The following JAKMIP1 variants were observed in gnomAD, a reference collection of about 807,000 sequenced individuals.
JAKMIP1 encodes the protein janus kinase and microtubule-interacting protein 1.
A neutral mutation model predicts 113.0 loss-of-function variants in JAKMIP1; 33 were observed. The observed-to-expected ratio is 0.29, with a 90% confidence interval of 0.22 to 0.39. The LOEUF (loss-of-function observed/expected upper bound fraction) is 0.39. JAKMIP1 is among the 10% of genes least tolerant of loss of function. The pLI, the probability that JAKMIP1 is intolerant of heterozygous loss-of-function variation, is 1.00. For synonymous variants in JAKMIP1, 480 were observed against 459.9 expected, an observed-to-expected ratio of 1.04 and a Z score of -0.56; for missense variants, 813 against 1,080.5, an observed-to-expected ratio of 0.75 and a Z score of 3.47.
chr4:6,060,720 T>C (rs1214944904), intron 10 of JAKMIP1, among the ~76,000 whole-genome samples: 1 of 152,230 alleles, frequency 6.6e-6, no homozygotes, highest in African/African-American at 2.4e-5. Context: ...ACAGCCTTGT[T>C]TGGTTTTACA....
chr4:6,128,067 CTG>C (rs1717978218), intron 1 of JAKMIP1, among the ~76,000 whole-genome samples: 2 of 152,200 alleles, frequency 1.3e-5, no homozygotes, highest in South Asian at 4.1e-4. Context: ...CCTGTAAAGG[CTG>C]TGATGCCAGG....
Position 6,143,124 on chromosome 4 carries a change from C to T in JAKMIP1, c.-147-30127G>A, listed in dbSNP as rs1230766080. 2.0e-5 allele frequency among the ~76,000 whole-genome samples: 3 copies of T among 152,220 alleles called. No homozygotes were observed. Among genetic ancestry groups the T allele is most frequent in the Admixed American group, 6.5e-5 (1 of 15,280 alleles). The stretch of plus-strand genomic sequence containing the variant: ...GCCTCTCTGAGCCTCTGCCACCCAC[C>T]TATTAAGCAGAAAGCAGCACAGCTC... On this transcript the variant is annotated intron_variant, in intron 1 of 20. Transcript: ENST00000409021. This position sits in a 1 kb window ranked among gnomAD's most constrained non-coding sequence, Gnocchi z 4.9.
rs544238086 is a variant in JAKMIP1 at position 6,154,143 on chromosome 4, C to T, written c.-147-41146G>A. Among the ~76,000 whole-genome samples, 20 of 152,340 alleles carry T rather than the reference C, an allele frequency of 1.3e-4. No individual in the cohort carries two copies. Among genetic ancestry groups the T allele is most frequent in the African/African-American group, 4.1e-4 (17 of 41,572 alleles). On this transcript the variant is annotated intron_variant, in intron 1 of 20. Coordinates refer to ENST00000409021, the MANE Select transcript of JAKMIP1 (RefSeq NM_001099433.2). This position sits in a 1 kb window ranked among gnomAD's most constrained non-coding sequence, Gnocchi z 4.2. ...TTGTGTCCTGCAGAGCTGATAAACC[C>T]TGCACTCAGGGAGACACTGACCCTC...
intron 2 of JAKMIP1, among the ~76,000 whole-genome samples, chr4:6,109,124 C>CTTTTTTTTTTT (rs71173408): frequency 3.1e-5 from 3 of 96,860 alleles, no homozygotes; most frequent in Non-Finnish European, 4.2e-5. Flanking sequence ...CCTGGGGCAC[C>CTTTTTTTTTTT]TTTTTTTTTT....
intron 2 of JAKMIP1, among the ~76,000 whole-genome samples, chr4:6,110,157 G>T (rs1174219260): frequency 6.6e-6 from 1 of 152,160 alleles, no homozygotes; most frequent in Non-Finnish European, 1.5e-5. Context: ...TAACCCCCAT[G>T]ACCTCAGGAT....
intron 2 of JAKMIP1, among the ~76,000 whole-genome samples, chr4:6,112,423 C>G (rs1210556072): frequency 6.6e-6 from 1 of 152,228 alleles, no homozygotes; most frequent in Admixed American, 6.5e-5. Context: ...CTCAGTTAAT[C>G]TCTGCTAAAC....
chr4:6,087,786 C>T (rs145449184), intron 3 of JAKMIP1, among the ~76,000 whole-genome samples: 1 of 152,328 alleles, frequency 6.6e-6, no homozygotes, highest in Non-Finnish European at 1.5e-5. Flanking sequence ...CTTTGGAAGA[C>T]AAAAGGCTGT....
At chr4:6,169,935 C>T (rs576183273) in intron 1 of JAKMIP1, among the ~76,000 whole-genome samples, 17 of 151,622 alleles carry the variant, frequency 1.1e-4, no homozygotes, top group Middle Eastern at 3.4e-3. Flanking sequence ...CTACCACCAC[C>T]GATACTACCA....
At chr4:6,084,789 C>A in intron 5 of JAKMIP1, 57 bp downstream of exon 5, 1 of 1,540,654 alleles carries the variant, frequency 6.5e-7, no homozygotes, top group Non-Finnish European at 8.7e-7. Flanking sequence ...GTTTCAGGGA[C>A]TCAGGGCCCC....
In JAKMIP1 at chr4:6,064,794, A is replaced by G; in HGVS notation, c.1431+86T>C. 1 of 1,561,364 alleles carries G rather than the reference A, an allele frequency of 6.4e-7. No individual in the cohort carries two copies. Among genetic ancestry groups the G allele is most frequent in the Non-Finnish European group, 8.8e-7 (1 of 1,138,312 alleles). The stretch of plus-strand genomic sequence containing the variant: ...TGGGGTTCAGAACTATAGGCAAGGG[A>G]GCGAAACTTGCAACTATCAAAAGCA... On this transcript the variant is annotated intron_variant, in intron 9 of 20. Transcript: ENST00000409021. This position sits in a 1 kb window ranked among gnomAD's most constrained non-coding sequence, Gnocchi z 4.3.
At chr4:6,128,292 GA>G (rs1718023680) in intron 1 of JAKMIP1, among the ~76,000 whole-genome samples, 1 of 152,192 alleles carries the variant, frequency 6.6e-6, no homozygotes, top group Non-Finnish European at 1.5e-5. Context: ...CAGGCTCCTG[GA>G]CTATCAGAGC....
intron 1 of JAKMIP1, among the ~76,000 whole-genome samples, chr4:6,191,256 G>A (rs575027203): frequency 3.9e-5 from 6 of 152,142 alleles, no homozygotes; most frequent in Non-Finnish European, 7.4e-5. Context: ...CTACCCCTGC[G>A]CTCCTCACCA....
rs190094680 is a variant in JAKMIP1 at position 6,166,215 on chromosome 4, C to T, written c.-148+34038G>A. ...GGGGGTCTCCAGCCCATGACAGATA[C>T]GACATGTAAAAGCCAACCTATCTGA... On this transcript the variant is annotated intron_variant, in intron 1 of 20. Coordinates refer to ENST00000409021, the MANE Select transcript of JAKMIP1 (RefSeq NM_001099433.2). 3.3e-3 allele frequency among the ~76,000 whole-genome samples: 496 copies of T among 152,336 alleles called. 4 individuals carry two copies. Among genetic ancestry groups the T allele is most frequent in the African/African-American group, 0.011 (477 of 41,574 alleles).
At chr4:6,114,172 G>A (rs549028800) in intron 1 of JAKMIP1, among the ~76,000 whole-genome samples, 9 of 152,318 alleles carry the variant, frequency 5.9e-5, no homozygotes, top group South Asian at 2.1e-4. Flanking sequence ...AATGCAGAGC[G>A]AGGAGGGAAC....
chr4:6,160,921 A>G (rs1452291436), intron 1 of JAKMIP1, among the ~76,000 whole-genome samples: 2 of 110,684 alleles, frequency 1.8e-5, no homozygotes, highest in African/African-American at 7.3e-5. Flanking sequence ...CCCGATCTCC[A>G]CTCACCTCCC....
intron 1 of JAKMIP1, among the ~76,000 whole-genome samples, chr4:6,177,981 A>G (rs546964096): frequency 2.8e-4 from 42 of 152,196 alleles, no homozygotes; most frequent in Non-Finnish European, 4.7e-4. Flanking sequence ...CTCCAAGTGC[A>G]TCCGGCTTCA....
chr4:6,160,824 C>A (rs563052424), intron 1 of JAKMIP1, among the ~76,000 whole-genome samples: 3 of 151,054 alleles, frequency 2.0e-5, no homozygotes, highest in Non-Finnish European at 4.4e-5. Flanking sequence ...TCCACTGACT[C>A]ACTGACCTCC....
rs1458831160 is a variant in JAKMIP1 at position 6,037,822 on chromosome 4, GC to G, written c.2176-1716del. 2.8e-5 allele frequency among the ~76,000 whole-genome samples: 3 copies of G among 105,476 alleles called. No individual in the cohort carries two copies. In the South Asian group the frequency reaches 8.3e-4, roughly 29 times the overall value. The allele number at this position is 105,476 out of a possible 152,430, so 69.2% of individuals were successfully genotyped here. ...TCACCGAGGCAGAGGCTAACCGGTA[GC>G]CCTCCATCACCGAGGCAGAGGCTAA... On this transcript the variant is annotated intron_variant, in intron 18 of 20. Transcript: ENST00000409021.
chr4:6,154,147 A>T lies in JAKMIP1; in HGVS notation c.-147-41150T>A, dbSNP rs1262137498. Reference sequence around the variant, plus strand: ...GTCCTGCAGAGCTGATAAACCCTGCACTCAGGGAGACACTGACCCTCGCAG... The same window carrying T: ...GTCCTGCAGAGCTGATAAACCCTGCTCTCAGGGAGACACTGACCCTCGCAG... On this transcript the variant is annotated intron_variant, in intron 1 of 20. Coordinates refer to ENST00000409021, the MANE Select transcript of JAKMIP1 (RefSeq NM_001099433.2). This position sits in a 1 kb window ranked among gnomAD's most constrained non-coding sequence, Gnocchi z 4.2. Among the ~76,000 whole-genome samples, 1 of 152,228 alleles carries T rather than the reference A, an allele frequency of 6.6e-6. No homozygotes were observed. Among genetic ancestry groups the T allele is most frequent in the African/African-American group, 2.4e-5 (1 of 41,442 alleles).
Sources: allele counts gnomAD v4.1 joint callset (sites outside exome capture counted in the v4.1 genomes callset), GRCh38; gene constraint gnomAD v4.1.1; non-coding constraint Gnocchi (gnomAD v3.1); transcripts MANE v1.5; gene names NCBI Gene and HGNC (gene_info 2026-07-23, HGNC 2026-07-21).